The following CHIA variants were observed in gnomAD, a reference collection of about 807,000 sequenced individuals.
The protein encoded by CHIA is acidic mammalian chitinase.
CHIA carries 47 observed loss-of-function variants against 53.5 expected under a neutral mutation model. The ratio of observed to expected loss-of-function variants is 0.88; its 90% CI spans 0.70 to 1.12. CHIA has a LOEUF of 1.12. CHIA is among the 50% of genes most tolerant of loss of function. The pLI is 0.00. For missense variants in CHIA, 652 were observed against 592.2 expected (o/e 1.10, Z -1.05); for synonymous variants, 268 against 222.2 (o/e 1.21, Z -1.83).
intron 1 of CHIA, among the ~76,000 whole-genome samples, chr1:111,305,347 G>A (rs1231940070): frequency 1.3e-5 from 2 of 151,924 alleles, no homozygotes; most frequent in Admixed American, 1.3e-4. Context: ...TGCAACAATG[G>A]GGGGAGGTGC....
intron 6 of CHIA, 84 bp from the exon 7 acceptor site, chr1:111,317,597 T>C: frequency 6.8e-7 from 1 of 1,468,606 alleles, no homozygotes; most frequent in African/African-American, 1.4e-5. Flanking sequence ...GAGAGAAGCA[T>C]TATACAGACA....
At chr1:111,309,094 G>A (rs1199690391) in intron 1 of CHIA, among the ~76,000 whole-genome samples, 1 of 152,148 alleles carries the variant, frequency 6.6e-6, no homozygotes, top group Non-Finnish European at 1.5e-5. Context: ...TTTAGGTGAT[G>A]GGTTAATAGG....
chr1:111,314,701 G>T, intron 5 of CHIA, 105 bp downstream of exon 5: 1 of 740,412 alleles, frequency 1.4e-6, no homozygotes, highest in Non-Finnish European at 2.4e-6. Flanking sequence ...AGGGTATTGA[G>T]GATGTACATA....
intron 1 of CHIA, among the ~76,000 whole-genome samples, chr1:111,292,925 T>C (rs887258479): frequency 3.3e-5 from 5 of 152,356 alleles, no homozygotes; most frequent in South Asian, 2.1e-4. Context: ...AATTTCCTTT[T>C]AAAGGCTGAA....
At chr1:111,301,356 T>C (rs1221961151) in intron 1 of CHIA, among the ~76,000 whole-genome samples, 2 of 151,968 alleles carry the variant, frequency 1.3e-5, no homozygotes, top group Admixed American at 6.6e-5. Context: ...ATAGACTGAA[T>C]AAAGAAAATA....
chr1:111,318,512 G>A lies in CHIA; in HGVS notation c.749G>A (p.Trp250Ter), dbSNP rs1649361856. Residue 250 changes from tryptophan to a stop codon, truncating the protein, a stop_gained, in exon 9 of 12, where the codon TGG becomes TAG. Coordinates refer to ENST00000369740, the MANE Select transcript of CHIA (RefSeq NM_201653.4). LOFTEE classifies it high-confidence loss of function. Reference protein sequence around the residue: ...YLNVDYVMNYWKDNGAPAEKL... With the variant: ...YLNVDYVMNY ...TTGCAGGATTATGTCATGAACTACT[G>A]GAAGGACAATGGAGCACCAGCTGAG... The A allele has an allele frequency of 6.2e-7, 1 of 1,613,954 alleles. No homozygotes were observed. Among genetic ancestry groups the A allele is most frequent in the Non-Finnish European group, 8.5e-7 (1 of 1,179,874 alleles).
intron 1 of CHIA, among the ~76,000 whole-genome samples, chr1:111,292,240 C>T (rs753384942): frequency 6.6e-6 from 1 of 152,150 alleles, no homozygotes; most frequent in African/African-American, 2.4e-5. Flanking sequence ...CACAACAACC[C>T]TATAAGACAA....
At chr1:111,299,143 G>A (rs139326370) in intron 1 of CHIA, among the ~76,000 whole-genome samples, 3 of 152,044 alleles carry the variant, frequency 2.0e-5, no homozygotes, top group South Asian at 4.1e-4. Context: ...ATTCACAGCC[G>A]AATTCTACCA....
rs143586120 is a variant in CHIA at position 111,317,705 on chromosome 1, G to T, written c.505G>T (p.Glu169Ter). The change falls in exon 7 of 12, where the codon GAG becomes TAG. Residue 169 changes from glutamate to a stop codon, truncating the protein, a stop_gained. Coordinates refer to ENST00000369740, the MANE Select transcript of CHIA (RefSeq NM_201653.4). LOFTEE classifies it high-confidence loss of function. Reference protein sequence around the residue: ...VQEMREAFEQEAKQINKPRLM... With the variant: ...VQEMREAFEQ ...GGAAATGCGTGAAGCTTTTGAGCAG[G>T]AGGCCAAGCAGATCAACAAGCCCAG... 2,156 of 1,614,112 alleles carry T rather than the reference G, an allele frequency of 1.3e-3. 24 individuals carry two copies. In the African/African-American group the frequency reaches 0.022, roughly 17 times the overall value.
chr1:111,291,960 C>A (rs186785148), intron 1 of CHIA, among the ~76,000 whole-genome samples: 2 of 151,970 alleles, frequency 1.3e-5, no homozygotes, highest in East Asian at 3.9e-4. Flanking sequence ...GAAACCTGCA[C>A]GTCCTGCACA....
intron 1 of CHIA, among the ~76,000 whole-genome samples, chr1:111,301,705 CAAAAAAAAAA>C (rs35562130): frequency 2.8e-5 from 3 of 105,476 alleles, no homozygotes; most frequent in African/African-American, 7.9e-5. Context: ...ACTCTCTCTC[CAAAAAAAAAA>C]AAAAAAAAAA....
Position 111,320,433 on chromosome 1 carries a change from C to G in CHIA, c.1398C>G (p.Phe466Leu), listed in dbSNP as rs544028644. ...YQQNCQAGLV[F>L]DTSCDCCNWA ...AGAACTGCCAGGCCGGGCTTGTCTT[C>G]GACACCAGCTGTGATTGCTGCAACT... Residue 466 changes from phenylalanine (F) to leucine (L), a missense_variant, in exon 12 of 12, where the codon TTC becomes TTG. Physicochemically the swap from Phe to Leu is conservative, Grantham distance 22. Coordinates refer to ENST00000369740, the MANE Select transcript of CHIA (RefSeq NM_201653.4). 7 of 1,614,152 alleles carry G rather than the reference C, an allele frequency of 4.3e-6. No homozygotes were observed. Among genetic ancestry groups the G allele is most frequent in the African/African-American group, 2.7e-5 (2 of 75,042 alleles).
In CHIA at chr1:111,318,068, A is replaced by C; in HGVS notation, c.688A>C (p.Lys230Gln). Residue 230 changes from lysine to glutamine, a missense_variant, in exon 8 of 12, where the codon AAA (lysine) becomes CAA (glutamine). Physicochemically the swap from Lys to Gln is moderately conservative, Grantham distance 53. Transcript: ENST00000369740. ...GYTGENSPLY[K>Q]YPTDTGSNAY... ...CACTGGAGAGAACAGCCCCCTCTAC[A>C]AATACCCGACTGACACCGGCAGCAA... is the stretch of plus-strand genomic sequence containing the variant. 6.2e-7 allele frequency: 1 copy of C among 1,613,942 alleles called. No individual in the cohort carries two copies. Among genetic ancestry groups the C allele is most frequent in the Non-Finnish European group, 8.5e-7 (1 of 1,179,838 alleles).
chr1:111,320,346 C>G lies in CHIA; in HGVS notation c.1311C>G (p.Leu437=). 6.2e-7 allele frequency: 1 copy of G among 1,614,208 alleles called. No individual in the cohort carries two copies. Among genetic ancestry groups the G allele is most frequent in the Non-Finnish European group, 8.5e-7 (1 of 1,180,028 alleles). Residue 437 remains leucine, a synonymous_variant, in exon 12 of 12, where the codon CTC becomes CTG. Transcript: ENST00000369740. ...SGFCAVRANG[L]YPVANNRNAF... Reference sequence around the variant, plus strand: ...TCTGTGCTGTCAGAGCCAACGGCCTCTACCCCGTGGCAAATAACAGAAATG... The same window carrying G: ...TCTGTGCTGTCAGAGCCAACGGCCTGTACCCCGTGGCAAATAACAGAAATG...
At chr1:111,308,444 G>A (rs1449261615) in intron 1 of CHIA, among the ~76,000 whole-genome samples, 1 of 152,174 alleles carries the variant, frequency 6.6e-6, no homozygotes, top group Non-Finnish European at 1.5e-5. Context: ...TCTGGATCTG[G>A]TGTTTAATAG....
intron 1 of CHIA, among the ~76,000 whole-genome samples, chr1:111,300,712 A>G (rs930916951): frequency 6.6e-6 from 1 of 152,214 alleles, no homozygotes; most frequent in African/African-American, 2.4e-5. Context: ...AATGCCAACA[A>G]AAGCCAAAAT....
intron 1 of CHIA, among the ~76,000 whole-genome samples, chr1:111,302,328 C>T (rs1647823207): frequency 6.6e-6 from 1 of 151,976 alleles, no homozygotes; most frequent in Non-Finnish European, 1.5e-5. Flanking sequence ...TTTTCTAGCT[C>T]CTTAGGTGTA....
At chr1:111,299,964 G>C (rs151166937) in intron 1 of CHIA, among the ~76,000 whole-genome samples, 2 of 152,218 alleles carry the variant, frequency 1.3e-5, no homozygotes, top group Non-Finnish European at 2.9e-5. Flanking sequence ...CAAATCATGA[G>C]TGAACTCCTA....
In CHIA at chr1:111,320,227, G is replaced by C. The variant is rs140459744; in HGVS notation, c.1192G>C (p.Ala398Pro). Residue 398 changes from alanine to proline, a missense_variant, in exon 12 of 12, where the codon GCT becomes CCT. Physicochemically the swap from Ala to Pro is conservative, Grantham distance 27. Coordinates refer to ENST00000369740, the MANE Select transcript of CHIA (RefSeq NM_201653.4). ...GLQSASCTAP[A>P]QPIEPITAAP... The stretch of plus-strand genomic sequence containing the variant: ...GTATGTTTCAGGTTGCACGGCTCCA[G>C]CTCAGCCCATTGAGCCAATAACTGC... The C allele has an allele frequency of 6.2e-7, 1 of 1,613,776 alleles. No individual in the cohort carries two copies. Among genetic ancestry groups the C allele is most frequent in the South Asian group, 1.1e-5 (1 of 91,048 alleles).
Sources: allele counts gnomAD v4.1 joint callset (sites outside exome capture counted in the v4.1 genomes callset), GRCh38; gene constraint gnomAD v4.1.1; transcripts MANE v1.5; gene names NCBI Gene and HGNC (gene_info 2026-07-23, HGNC 2026-07-21).